TSPOAP1: variants seen among roughly 807,000 people sequenced by gnomAD.
TSPOAP1 encodes the protein peripheral-type benzodiazepine receptor-associated protein 1.
A neutral mutation model predicts 197.0 loss-of-function variants in TSPOAP1; 87 were observed. That is an observed-to-expected ratio of 0.44 (90% CI 0.37 to 0.53). The LOEUF is 0.53. TSPOAP1 is among the 20% of genes least tolerant of loss of function. The pLI is 0.00. For missense variants in TSPOAP1, 2,174 were observed against 2,411.3 expected (o/e 0.90, Z 2.06); for synonymous variants, 913 against 998.9 (o/e 0.91, Z 1.62).
At position 58,310,361 on chromosome 17, in the gene TSPOAP1, G is replaced by A. The variant is rs1567841379; in HGVS notation, c.3699+151C>T. 9 of 1,288,116 alleles carry A rather than the reference G, an allele frequency of 7.0e-6. No homozygotes were observed. In the South Asian group the frequency reaches 1.0e-4, roughly 15 times the overall value. 79.8% of individuals were successfully genotyped at this position (1,288,116 alleles called of 1,614,324 possible). A position where few individuals can be genotyped will look rare whatever the true frequency, so the allele number is the denominator to read the frequency against. On this transcript the variant is annotated intron_variant, in intron 20 of 31. Coordinates refer to ENST00000343736, the MANE Select transcript of TSPOAP1 (RefSeq NM_004758.4). ...AGCCACATGGGACAGAGAAATCCTA[G>A]AAGAAAAACAGACACATAGCACAGC...
rs1970720373 is a variant in TSPOAP1 at position 58,301,424 on chromosome 17, C to T, written c.*1056G>A. On this transcript the variant is annotated 3_prime_UTR_variant, in exon 32 of 32. Transcript: ENST00000343736. ...AGTGGATCGGGTAACGGCGGAGAAC[C>T]CCTACCCCACTCTGAACAGGGAATG... The T allele has an allele frequency of 6.6e-6, 1 of 152,586 alleles. No individual in the cohort carries two copies. Among genetic ancestry groups the T allele is most frequent in the Non-Finnish European group, 1.5e-5 (1 of 68,052 alleles). 9.5% of individuals were successfully genotyped at this position (152,586 alleles called of 1,614,324 possible). A position where few individuals can be genotyped will look rare whatever the true frequency, so the allele number is the denominator to read the frequency against.
At position 58,307,688 on chromosome 17, in the gene TSPOAP1, A is replaced by G; in HGVS notation, c.4906T>C (p.Tyr1636His). ...TTGGGCGACATTGACACGGGGTCAT[A>G]GTCAAACAGAGCCACAAAGATCCTG... ...PVRIFVALFD[Y>H]DPVSMSPNPD... The change falls in exon 24 of 32, where the codon TAT becomes CAT. Residue 1636 changes from tyrosine to histidine, a missense_variant. This residue lies in a region of TSPOAP1 where 1,933 missense variants were observed against 2,139.0 expected (regional missense o/e 0.90). Transcript: ENST00000343736. 3 of 1,614,172 alleles carry G rather than the reference A, an allele frequency of 1.9e-6. No individual in the cohort carries two copies. Among genetic ancestry groups the G allele is most frequent in the Non-Finnish European group, 2.5e-6 (3 of 1,180,036 alleles).
Position 58,305,411 on chromosome 17 carries a change from G to A in TSPOAP1, c.5409C>T (p.Gly1803=). 1 of 1,613,978 alleles carries A rather than the reference G, an allele frequency of 6.2e-7. No homozygotes were observed. The highest frequency in any genetic ancestry group is 8.5e-7 in the Non-Finnish European group (1 of 1,179,962). The change falls in exon 29 of 32, where the codon GGC becomes GGT. Residue 1803 remains glycine (G), a synonymous_variant. Coordinates refer to ENST00000343736, the MANE Select transcript of TSPOAP1 (RefSeq NM_004758.4). The part of the protein sequence containing the change: ...RAGDVITVFG[G]MDDDGFYYGE... ...CATAGTAGAAACCGTCATCGTCCATGCCCCCAAACACAGTAATGACATCCC... is the reference window on the plus strand; with the variant it reads ...CATAGTAGAAACCGTCATCGTCCATACCCCCAAACACAGTAATGACATCCC...
At position 58,318,471 on chromosome 17, in the gene TSPOAP1, G is replaced by A. The variant is rs1352986780; in HGVS notation, c.1700-19C>T. On this transcript the variant is annotated intron_variant, in intron 13 of 31. Transcript: ENST00000343736. ...TCAAGGTCTAAAGAGAAGATGGCAC[G>A]TGGGCTTGGGGTCTGTGGCCTGAGG... is the stretch of plus-strand genomic sequence containing the variant. The A allele has an allele frequency of 9.4e-6, 15 of 1,604,022 alleles. No individual in the cohort carries two copies. The highest frequency in any genetic ancestry group is 3.4e-5 in the Admixed American group (2 of 58,578).
intron 4 of TSPOAP1, among the ~76,000 whole-genome samples, chr17:58,325,299 C>T (rs1017210241): frequency 2.0e-5 from 3 of 152,208 alleles, no homozygotes; most frequent in Admixed American, 6.5e-5. Flanking sequence ...TGCATACAGC[C>T]AGACCCACCG....
Position 58,311,955 on chromosome 17 carries a change from C to T in TSPOAP1, c.2866G>A (p.Glu956Lys), listed in dbSNP as rs759305285. The change falls in exon 17 of 32, where the codon GAA becomes AAA. Residue 956 changes from glutamate to lysine, a missense_variant. Coordinates refer to ENST00000343736, the MANE Select transcript of TSPOAP1 (RefSeq NM_004758.4). ...EAQLPPQGPW[E>K]PGWERLEQRA... ...TGCTCCAGCCTCTCCCAGCCTGGTTCCCAGGGCCCTTGGGGTGGGAGCTGA... is the reference window on the plus strand; with the variant it reads ...TGCTCCAGCCTCTCCCAGCCTGGTTTCCAGGGCCCTTGGGGTGGGAGCTGA... The T allele has an allele frequency of 1.2e-6, 2 of 1,600,240 alleles. No individual in the cohort carries two copies. Among genetic ancestry groups the T allele is most frequent in the African/African-American group, 1.3e-5 (1 of 74,900 alleles).
In TSPOAP1 at chr17:58,312,702, T is replaced by A; in HGVS notation, c.2119A>T (p.Arg707Trp). The part of the protein sequence containing the change: ...FFEGELMDGR[R>W]GLVPSNFVER... ...ACAAAATTGGAAGGGACCAGGCCCC[T>A]TCGGCCATCCATGAGCTCTCCTGGC... The change falls in exon 17 of 32, where the codon AGG becomes TGG. Residue 707 changes from arginine to tryptophan, a missense_variant. Around this residue, in one of 5 missense-constraint regions of TSPOAP1, gnomAD observed 1,933 missense variants for 2,139.0 expected, o/e 0.90. Coordinates refer to ENST00000343736, the MANE Select transcript of TSPOAP1 (RefSeq NM_004758.4). 1 of 1,613,134 alleles carries A rather than the reference T, an allele frequency of 6.2e-7. No individual in the cohort carries two copies.
intron 19 of TSPOAP1, 28 bp downstream of exon 19, chr17:58,310,808 C>A: frequency 6.3e-7 from 1 of 1,582,330 alleles, no homozygotes; most frequent in Non-Finnish European, 8.6e-7. Flanking sequence ...CCAGCCTGCA[C>A]CTGCTCCCCT....
In TSPOAP1 at chr17:58,308,733, G is replaced by A. The variant is rs183608387; in HGVS notation, c.4539C>T (p.Gly1513=). ...GGTAGCAGGAGCTGGTGATGCTGAT[G>A]CCCCCGCTGCCCGCCTCCTGCTCAT... ...SEDEQEAGSG[G]ISITSSCYPG... is the part of the protein sequence containing the mutation. The change falls in exon 22 of 32, where the codon GGC becomes GGT. Residue 1513 remains glycine, a synonymous_variant. Coordinates refer to ENST00000343736, the MANE Select transcript of TSPOAP1 (RefSeq NM_004758.4). 539 of 1,613,018 alleles carry A rather than the reference G, an allele frequency of 3.3e-4. No individual in the cohort carries two copies. Among genetic ancestry groups the A allele is most frequent in the Non-Finnish European group, 4.2e-4 (493 of 1,179,982 alleles).
intron 13 of TSPOAP1, among the ~76,000 whole-genome samples, chr17:58,318,864 T>C (rs1971317833): frequency 1.3e-5 from 2 of 152,140 alleles, no homozygotes; most frequent in African/African-American, 4.8e-5. Flanking sequence ...TCAGGTCCTT[T>C]TGGAAGGAGA....
rs1304159098 is a variant in TSPOAP1 at position 58,312,271 on chromosome 17, C to T, written c.2550G>A (p.Leu850=). The T allele has an allele frequency of 6.2e-7, 1 of 1,612,714 alleles. No homozygotes were observed. The change falls in exon 17 of 32, where the codon CTG becomes CTA. Residue 850 remains leucine, a synonymous_variant. Coordinates refer to ENST00000343736, the MANE Select transcript of TSPOAP1 (RefSeq NM_004758.4). Reference sequence around the variant, plus strand: ...CAGAAATGTGAAGGGGCCCGGCCCACAGGTCCAGGTTCTCCAGCACGGCCT... The same window carrying T: ...CAGAAATGTGAAGGGGCCCGGCCCATAGGTCCAGGTTCTCCAGCACGGCCT... ...PPKAVLENLD[L]WAGPLHISVQ...
In TSPOAP1 at chr17:58,320,097, A is replaced by C. The variant is rs763596288; in HGVS notation, c.1494+12T>G. ...CTGGAGAGGTGTGGGGAAGTGGAGA[A>C]CGAGGCGCTACCTGCATGGAATCCA... On this transcript the variant is annotated intron_variant, in intron 12 of 31. Coordinates refer to ENST00000343736, the MANE Select transcript of TSPOAP1 (RefSeq NM_004758.4). 1.9e-6 allele frequency: 3 copies of C among 1,614,136 alleles called. No homozygotes were observed. In the South Asian group the frequency reaches 3.3e-5, roughly 18 times the overall value.
rs539932374 is a variant in TSPOAP1 at position 58,323,932 on chromosome 17, C to T, written c.943-387G>A. 3.9e-5 allele frequency among the ~76,000 whole-genome samples: 6 copies of T among 152,294 alleles called. No individual in the cohort carries two copies. The South Asian group carries it at 6.2e-4, about 16-fold the overall frequency. ...AGAACTAGGAGGCTGCCTGGGCCCC[C>T]GGGGATGTGGTGTTCCCCAAGATAG... is the stretch of plus-strand genomic sequence containing the variant. On this transcript the variant is annotated intron_variant, in intron 5 of 31. Transcript: ENST00000343736.
intron 16 of TSPOAP1, among the ~76,000 whole-genome samples, chr17:58,315,242 C>T (rs1353724442): frequency 6.6e-6 from 1 of 152,246 alleles, no homozygotes; most frequent in African/African-American, 2.4e-5. Flanking sequence ...AGAAACTGAG[C>T]AGGCTCCCAA....
intron 11 of TSPOAP1, 139 bp downstream of exon 11, chr17:58,320,392 C>T (rs775946989): frequency 1.8e-6 from 2 of 1,100,536 alleles, no homozygotes; most frequent in South Asian, 3.3e-5. Context: ...GTGGAGGGGA[C>T]TCCCCCAGGT....
chr17:58,307,096 A>G, intron 24 of TSPOAP1, 128 bp from the exon 25 acceptor site: 1 of 1,016,952 alleles, frequency 9.8e-7, no homozygotes, highest in Non-Finnish European at 1.4e-6. Flanking sequence ...TGAAATGGGA[A>G]AAGGGGGAAA....
At chr17:58,313,031 T>C (rs1477608603) in intron 16 of TSPOAP1, among the ~76,000 whole-genome samples, 1 of 152,212 alleles carries the variant, frequency 6.6e-6, no homozygotes, top group East Asian at 1.9e-4. Flanking sequence ...GCTGAGATTC[T>C]GTGATTCTAA....
intron 14 of TSPOAP1, among the ~76,000 whole-genome samples, chr17:58,317,196 AAAACAAACAAAC>A (rs911250784): frequency 6.6e-6 from 1 of 152,118 alleles, no homozygotes; most frequent in Non-Finnish European, 1.5e-5. Flanking sequence ...GCCCTGTCTA[AAAACAAACAAAC>A]AAACAAACAA....
intron 16 of TSPOAP1, among the ~76,000 whole-genome samples, chr17:58,314,551 AC>A (rs946113139): frequency 6.6e-6 from 1 of 152,262 alleles, no homozygotes; most frequent in Admixed American, 6.5e-5. Flanking sequence ...AACTGGAGCC[AC>A]CGTAAGCTAA....
Sources: gnomAD v4.1 joint callset for allele counts (sites outside exome capture counted in the v4.1 genomes callset) on GRCh38, gnomAD v4.1.1 for gene constraint, gnomAD v4.1.1 regional missense constraint, MANE v1.5 for transcripts, NCBI Gene and HGNC (gene_info 2026-07-23, HGNC 2026-07-21) for gene names.